CFAP54: variants seen among roughly 807,000 people sequenced by gnomAD.
CFAP54 encodes cilia- and flagella-associated protein 54.
A neutral mutation model predicts 370.4 loss-of-function variants in CFAP54; 290 were observed. The ratio of observed to expected loss-of-function variants is 0.78; its 90% CI spans 0.71 to 0.86. CFAP54 has a LOEUF of 0.86. Among genes scored for constraint, CFAP54 ranks in the 40% least tolerant of loss-of-function variants. The pLI, the probability that CFAP54 is intolerant of heterozygous loss-of-function variation, is 0.00. For missense variants in CFAP54, 3,399 were observed against 3,528.7 expected (o/e 0.96, Z 0.93); for synonymous variants, 1,206 against 1,236.5 (o/e 0.98, Z 0.52).
At chr12:96,546,294 C>A (rs1023043289) in intron 14 of CFAP54, among the ~76,000 whole-genome samples, 1 of 152,178 alleles carries the variant, frequency 6.6e-6, no homozygotes, top group South Asian at 2.1e-4. Context: ...AGGGACCCCC[C>A]ACTCCACACT....
chr12:96,534,885 G>A (rs530439548), intron 11 of CFAP54, among the ~76,000 whole-genome samples: 37 of 151,904 alleles, frequency 2.4e-4, no homozygotes, highest in African/African-American at 8.7e-4. Flanking sequence ...TATTTTATGT[G>A]CACTTTAATA....
chr12:96,571,293 CA>C (rs1955914422), intron 19 of CFAP54, among the ~76,000 whole-genome samples: 1 of 152,098 alleles, frequency 6.6e-6, no homozygotes, highest in African/African-American at 2.4e-5. Context: ...TACATTCAGA[CA>C]AAAATACTTT....
intron 19 of CFAP54, among the ~76,000 whole-genome samples, chr12:96,569,579 A>G (rs988665640): frequency 2.0e-5 from 3 of 152,208 alleles, no homozygotes; most frequent in African/African-American, 7.2e-5. Flanking sequence ...TCTTGCAAAG[A>G]AACCCAGTTG....
At chr12:96,672,230 C>G (rs1957155409) in intron 39 of CFAP54, among the ~76,000 whole-genome samples, 1 of 151,812 alleles carries the variant, frequency 6.6e-6, no homozygotes, top group Non-Finnish European at 1.5e-5. Context: ...GACCTTGAGA[C>G]AAAAGGCAGA....
chr12:96,627,292 A>G (rs987296488), intron 30 of CFAP54, among the ~76,000 whole-genome samples: 9 of 152,176 alleles, frequency 5.9e-5, no homozygotes, highest in Admixed American at 2.6e-4. Context: ...TAATTCTTCT[A>G]TGGTAACAAA....
rs1484836570 is a variant in CFAP54, at chr12:96,734,322, C to T, written c.6966-5634C>T. 4.6e-5 allele frequency among the ~76,000 whole-genome samples: 7 copies of T among 152,106 alleles called. No individual in the cohort carries two copies. In the South Asian group the frequency reaches 1.0e-3, roughly 23 times the overall value. On this transcript the variant is annotated intron_variant, in intron 50 of 67. Transcript: ENST00000524981. ...GCATTATGTGCCTCTGCTTGCCAAGCACTCCTATTTGCTAAGCACACTCCA... is the reference window on the plus strand; with the variant it reads ...GCATTATGTGCCTCTGCTTGCCAAGTACTCCTATTTGCTAAGCACACTCCA...
chr12:96,511,667 A>G (rs1034755405), intron 4 of CFAP54, among the ~76,000 whole-genome samples: 1 of 152,074 alleles, frequency 6.6e-6, no homozygotes, highest in African/African-American at 2.4e-5. Flanking sequence ...TATTTTTAGT[A>G]GAGATGGGGT....
intron 19 of CFAP54, among the ~76,000 whole-genome samples, chr12:96,574,026 C>G (rs1955951713): frequency 6.6e-6 from 1 of 152,152 alleles, no homozygotes; most frequent in Non-Finnish European, 1.5e-5. Context: ...TCAACCATTT[C>G]CAATAAAAAA....
intron 67 of CFAP54, among the ~76,000 whole-genome samples, chr12:96,864,023 T>A (rs1435649669): frequency 6.6e-6 from 1 of 152,172 alleles, no homozygotes; most frequent in Admixed American, 6.5e-5. Flanking sequence ...AAGGAAATGA[T>A]GATGAACTGG....
chr12:96,828,998 A>G lies in CFAP54; in HGVS notation c.9097-16A>G, dbSNP rs1297654429. On this transcript the variant is annotated splice_polypyrimidine_tract_variant and intron_variant, in intron 65 of 67. Transcript: ENST00000524981. ...ATAATATCAACCTCACTGTATTACT[A>G]TCTTCTTATTTCTAGGACATGATTA... 2 of 1,382,890 alleles carry G rather than the reference A, an allele frequency of 1.4e-6. No homozygotes were observed. The highest frequency in any genetic ancestry group is 1.4e-5 in the African/African-American group (1 of 69,852). 85.7% of individuals were successfully genotyped at this position (1,382,890 alleles called of 1,614,324 possible). A position where few individuals can be genotyped will look rare whatever the true frequency, so the allele number is the denominator to read the frequency against.
intron 1 of CFAP54, among the ~76,000 whole-genome samples, chr12:96,492,959 C>G (rs1954902321): frequency 6.6e-6 from 1 of 150,882 alleles, no homozygotes; most frequent in East Asian, 1.9e-4. Flanking sequence ...CATGCCACTG[C>G]ACTCCACCCT....
At chr12:96,819,197 A>T (rs1267980731) in intron 65 of CFAP54, among the ~76,000 whole-genome samples, 1 of 152,164 alleles carries the variant, frequency 6.6e-6, no homozygotes, top group Non-Finnish European at 1.5e-5. Context: ...AAAGCCTCCA[A>T]ATCTGAGTGA....
At chr12:96,756,632 A>G in intron 57 of CFAP54, 69 bp downstream of exon 57, 1 of 1,023,978 alleles carries the variant, frequency 9.8e-7, no homozygotes, top group Non-Finnish European at 1.5e-6. Flanking sequence ...TAGTACATTG[A>G]CCACTCAAGG....
chr12:96,681,212 C>T (rs1957267215), intron 40 of CFAP54, among the ~76,000 whole-genome samples: 1 of 152,102 alleles, frequency 6.6e-6, no homozygotes, highest in Non-Finnish European at 1.5e-5. Context: ...TGAATCTCAC[C>T]TGGTACCAAA....
At chr12:96,650,255 A>AGTATCAGT (rs1956844335) in intron 35 of CFAP54, among the ~76,000 whole-genome samples, 183 bp downstream of exon 35, 1 of 152,084 alleles carries the variant, frequency 6.6e-6, no homozygotes, top group South Asian at 2.1e-4. Flanking sequence ...TACTGAGGGC[A>AGTATCAGT]TGTGTTGTCC....
chr12:96,796,079 G>C (rs1958758596), intron 63 of CFAP54, among the ~76,000 whole-genome samples: 1 of 152,198 alleles, frequency 6.6e-6, no homozygotes, highest in African/African-American at 2.4e-5. Flanking sequence ...CAGTGAGGAT[G>C]TTTGTTTGAG....
At chr12:96,676,190 G>A (rs976002538) in intron 39 of CFAP54, among the ~76,000 whole-genome samples, 1 of 152,132 alleles carries the variant, frequency 6.6e-6, no homozygotes, top group Non-Finnish European at 1.5e-5. Flanking sequence ...CCACACACAG[G>A]TTAAAATAGT....
At chr12:96,529,871 C>A (rs1242874364) in intron 9 of CFAP54, among the ~76,000 whole-genome samples, 1 of 151,976 alleles carries the variant, frequency 6.6e-6, no homozygotes, top group Non-Finnish European at 1.5e-5. Context: ...TATAGTTGAT[C>A]CTTTGTGTGT....
At chr12:96,580,826 G>GT (rs1035942184) in intron 21 of CFAP54, 94 bp from the exon 22 acceptor site, 845 of 1,138,400 alleles carry the variant, frequency 7.4e-4, no homozygotes, top group South Asian at 1.1e-3. Context: ...AAAGAAAAAG[G>GT]TTTTTTTTTA....
Sources: allele counts gnomAD v4.1 joint callset (sites outside exome capture counted in the v4.1 genomes callset), GRCh38; gene constraint gnomAD v4.1.1; transcripts MANE v1.5; gene names NCBI Gene and HGNC (gene_info 2026-07-23, HGNC 2026-07-21).